GPC5: variants seen among roughly 807,000 people sequenced by gnomAD.
GPC5 encodes the protein glypican 5.
In GPC5, 47 loss-of-function variants were observed where a neutral mutation model predicts 53.9. The observed-to-expected ratio is 0.87, with a 90% CI of 0.69 to 1.11. The LOEUF is 1.11. GPC5 is among the 50% of genes most tolerant of loss of function. The pLI is 0.00. For synonymous variants in GPC5, 286 were observed against 263.3 expected (o/e 1.09, Z -0.84); for missense variants, 748 against 713.1 (o/e 1.05, Z -0.56).
chr13:92,820,791 G>A (rs1877648185), intron 7 of GPC5, among the ~76,000 whole-genome samples: 1 of 151,948 alleles, frequency 6.6e-6, no homozygotes. Context: ...AAAATATGTT[G>A]AGTAGTTTCT....
In GPC5 at chr13:91,398,999, AG is replaced by A; in HGVS notation, c.-45del. ...CGTCTGCAGCTCAGCCAGGGCGCGCAGGGCGAGTGGGGTCCACTGGCGGGTA... is the reference window on the plus strand; with the variant it reads ...CGTCTGCAGCTCAGCCAGGGCGCGCAGGCGAGTGGGGTCCACTGGCGGGTA... On this transcript the variant is annotated 5_prime_UTR_variant, in exon 1 of 8. Transcript: ENST00000377067. 1 of 1,525,758 alleles carries A rather than the reference AG, an allele frequency of 6.6e-7. No homozygotes were observed. Among genetic ancestry groups the A allele is most frequent in the Non-Finnish European group, 8.8e-7 (1 of 1,130,968 alleles). The allele number at this position is 1,525,758 out of a possible 1,614,324, so 94.5% of individuals were successfully genotyped here.
intron 2 of GPC5, among the ~76,000 whole-genome samples, chr13:91,562,188 T>TAAAAAAAAAAAAAAAAAAAAAAAAAAA (rs10603242): frequency 4.4e-5 from 2 of 45,058 alleles, no homozygotes; most frequent in Non-Finnish European, 4.0e-5. Context: ...GGAGCAACAG[T>TAAAAAAAAAAAAAAAAAAAAAAAAAAA]AAAAAAAAAA....
At chr13:92,450,421 T>C (rs1325356244) in intron 7 of GPC5, among the ~76,000 whole-genome samples, 1 of 152,186 alleles carries the variant, frequency 6.6e-6, no homozygotes. Flanking sequence ...TTGTAGACAG[T>C]ATTTTTAATA....
At chr13:91,870,038 G>A (rs188940124) in intron 5 of GPC5, among the ~76,000 whole-genome samples, 38 of 152,264 alleles carry the variant, frequency 2.5e-4, no homozygotes, top group Admixed American at 2.2e-3. Flanking sequence ...CATAATATTA[G>A]TATAACATGA....
At chr13:91,747,395 C>T (rs1204884303) in intron 4 of GPC5, among the ~76,000 whole-genome samples, 1 of 152,186 alleles carries the variant, frequency 6.6e-6, no homozygotes, top group African/African-American at 2.4e-5. Flanking sequence ...CCATGTTTCT[C>T]CCCTGCCTTC....
intron 2 of GPC5, among the ~76,000 whole-genome samples, chr13:91,527,846 C>T (rs1439620929): frequency 1.3e-5 from 2 of 152,242 alleles, no homozygotes; most frequent in African/African-American, 4.8e-5. Context: ...GGGGCTTCCA[C>T]TCTCTGAAAC....
intron 6 of GPC5, among the ~76,000 whole-genome samples, chr13:92,109,700 T>C (rs996799606): frequency 6.6e-6 from 1 of 152,182 alleles, no homozygotes; most frequent in African/African-American, 2.4e-5. Flanking sequence ...ACCGTAGTCT[T>C]TCAGGACTCT....
chr13:92,049,928 G>T (rs1348209046), intron 6 of GPC5, among the ~76,000 whole-genome samples: 4 of 152,060 alleles, frequency 2.6e-5, no homozygotes, highest in Non-Finnish European at 5.9e-5. Flanking sequence ...TTGCATTTTT[G>T]ATACAAATTG....
At chr13:91,966,913 T>C (rs1427289065) in intron 6 of GPC5, among the ~76,000 whole-genome samples, 1 of 152,228 alleles carries the variant, frequency 6.6e-6, no homozygotes, top group African/African-American at 2.4e-5. Context: ...AAATATGTTA[T>C]AAATACTTGA....
At chr13:91,850,815 A>T (rs1256530494) in intron 5 of GPC5, among the ~76,000 whole-genome samples, 1 of 152,178 alleles carries the variant, frequency 6.6e-6, no homozygotes, top group East Asian at 1.9e-4. Flanking sequence ...CTACACAAGA[A>T]AAAGGTTGTT....
chr13:91,494,343 A>ATTG (rs1566448119), intron 2 of GPC5, among the ~76,000 whole-genome samples: 2 of 114,080 alleles, frequency 1.8e-5, no homozygotes, highest in African/African-American at 4.1e-5. Context: ...TATTATTATT[A>ATTG]TTATTTTTAT....
chr13:92,253,629 T>C (rs1169216341), intron 7 of GPC5, among the ~76,000 whole-genome samples: 1 of 152,036 alleles, frequency 6.6e-6, no homozygotes, highest in Non-Finnish European at 1.5e-5. Context: ...TCATGAGGTA[T>C]AGGTTGTTGT....
intron 2 of GPC5, among the ~76,000 whole-genome samples, chr13:91,654,312 A>C (rs953305107): frequency 6.6e-6 from 1 of 152,340 alleles, no homozygotes; most frequent in South Asian, 2.1e-4. Flanking sequence ...ACTTGTATGA[A>C]GACACTCATT....
At chr13:92,516,641 G>T (rs2138960893) in intron 7 of GPC5, among the ~76,000 whole-genome samples, 1 of 152,270 alleles carries the variant, frequency 6.6e-6, no homozygotes, top group Admixed American at 6.5e-5. Flanking sequence ...AGAAGCCTAG[G>T]AACGTCCTTG....
chr13:92,460,437 T>A (rs1299790002), intron 7 of GPC5, among the ~76,000 whole-genome samples: 1 of 152,192 alleles, frequency 6.6e-6, no homozygotes, highest in Non-Finnish European at 1.5e-5. Context: ...TCTTTTTTTT[T>A]CTTTCTGCAA....
chr13:92,572,589 A>G lies in GPC5; in HGVS notation c.1562-293693A>G, dbSNP rs376680013. Among the ~76,000 whole-genome samples the G allele has an allele frequency of 4.1e-4, 62 of 152,318 alleles. No individual in the cohort carries two copies. The East Asian group carries it at 7.7e-3, about 19-fold the overall frequency. On this transcript the variant is annotated intron_variant, in intron 7 of 7. Coordinates refer to ENST00000377067, the MANE Select transcript of GPC5 (RefSeq NM_004466.6). ...GGTTTCTTTTTTAAAATAAAATGAC[A>G]TTAGGGTTTCTTTATACCCTGATCA...
At chr13:92,294,639 G>A (rs1294756473) in intron 7 of GPC5, among the ~76,000 whole-genome samples, 3 of 151,444 alleles carry the variant, frequency 2.0e-5, no homozygotes, top group Non-Finnish European at 4.4e-5. Flanking sequence ...TTATTTACCT[G>A]TTCAAAGAAC....
chr13:92,778,966 T>TAC (rs5805763), intron 7 of GPC5, among the ~76,000 whole-genome samples: 28,026 of 149,092 alleles, frequency 0.19, 2,588 homozygotes, highest in Middle Eastern at 0.26. Context: ...GTGCAAGATA[T>TAC]ACACACACAC....
intron 6 of GPC5, among the ~76,000 whole-genome samples, chr13:92,119,468 G>T (rs542216292): frequency 3.9e-5 from 5 of 128,504 alleles, no homozygotes; most frequent in African/African-American, 1.2e-4. Context: ...GCGCGATCTC[G>T]GCTCACTGCA....
Sources: gnomAD v4.1 joint callset for allele counts (sites outside exome capture counted in the v4.1 genomes callset) on GRCh38, gnomAD v4.1.1 for gene constraint, MANE v1.5 for transcripts, NCBI Gene and HGNC (gene_info 2026-07-23, HGNC 2026-07-21) for gene names.